NUP205: variants seen among roughly 807,000 people sequenced by gnomAD.
NUP205 encodes nucleoporin 205, also known as nuclear pore complex protein Nup205.
NUP205 carries 76 observed loss-of-function variants against 253.8 expected under a neutral mutation model. That is an observed-to-expected ratio of 0.30 (90% CI 0.25 to 0.36). The LOEUF (loss-of-function observed/expected upper bound fraction) is 0.36, where lower values mean the gene tolerates loss of function less well. NUP205 is among the 10% of genes least tolerant of loss of function. NUP205 has a pLI of 1.00. For missense variants in NUP205, 2,162 were observed against 2,425.5 expected (o/e 0.89, Z 2.28); for synonymous variants, 832 against 850.1 (o/e 0.98, Z 0.37).
chr7:135,622,605 C>T (rs1362663838), intron 30 of NUP205, among the ~76,000 whole-genome samples, 172 bp from the exon 31 acceptor site: 1 of 151,662 alleles, frequency 6.6e-6, no homozygotes, highest in African/African-American at 2.4e-5. Flanking sequence ...TTAGAGTTAA[C>T]CTGCTTGGAC....
chr7:135,637,776 A>C (rs910783288), intron 36 of NUP205, among the ~76,000 whole-genome samples, 155 bp from the exon 37 acceptor site: 5 of 152,258 alleles, frequency 3.3e-5, no homozygotes, highest in African/African-American at 1.2e-4. Context: ...GTTGAATTTT[A>C]ATAATGCTAC....
chr7:135,613,721 A>C (rs1794292327), intron 22 of NUP205: 2 of 151,888 alleles, frequency 1.3e-5, no homozygotes, highest in African/African-American at 4.8e-5. Context: ...ATTTTTATAG[A>C]GACAGAGTTT....
chr7:135,641,684 A>T (rs1008888914), intron 38 of NUP205, among the ~76,000 whole-genome samples: 1 of 151,726 alleles, frequency 6.6e-6, no homozygotes, highest in Non-Finnish European at 1.5e-5. Context: ...AGGTGGGAGG[A>T]TCACCTGAGC....
intron 35 of NUP205, among the ~76,000 whole-genome samples, chr7:135,634,019 C>T (rs1794763605): frequency 6.6e-6 from 1 of 152,126 alleles, no homozygotes; most frequent in Non-Finnish European, 1.5e-5. Flanking sequence ...CTGCCTAGCC[C>T]ACTACCGTGT....
chr7:135,607,562 T>C (rs73725186), intron 22 of NUP205, among the ~76,000 whole-genome samples, 191 bp downstream of exon 22: 3 of 152,318 alleles, frequency 2.0e-5, no homozygotes, highest in Non-Finnish European at 2.9e-5. Flanking sequence ...CCAAATCTTA[T>C]GTTAATCACT....
chr7:135,589,400 T>C lies in NUP205; in HGVS notation c.1473+1408T>C. 1.3e-5 allele frequency among the ~76,000 whole-genome samples: 2 copies of C among 150,858 alleles called. 1 individual carries two copies. The highest frequency in any genetic ancestry group is 3.0e-5 in the Non-Finnish European group (2 of 67,646). The stretch of plus-strand genomic sequence containing the variant: ...GCCTCCCAGATTCAAGCGATTCTCC[T>C]GTCTCAGCCTCCCGAATAACTGGGG... On this transcript the variant is annotated intron_variant, in intron 10 of 42. Coordinates refer to ENST00000285968, the MANE Select transcript of NUP205 (RefSeq NM_015135.3).
chr7:135,605,098 C>T (rs1794059350), intron 19 of NUP205, among the ~76,000 whole-genome samples: 1 of 152,026 alleles, frequency 6.6e-6, no homozygotes, highest in Non-Finnish European at 1.5e-5. Flanking sequence ...CTCTATCACC[C>T]AGGCTGGGGT....
intron 14 of NUP205, chr7:135,597,632 T>A: frequency 2.1e-6 from 1 of 472,752 alleles, no homozygotes; most frequent in Non-Finnish European, 3.7e-6. Flanking sequence ...AGATGTTACA[T>A]GGCAACCATC....
chr7:135,644,240 T>C (rs1316916197), intron 39 of NUP205, among the ~76,000 whole-genome samples: 1 of 152,214 alleles, frequency 6.6e-6, no homozygotes, highest in Non-Finnish European at 1.5e-5. Flanking sequence ...CAGGAGTCAA[T>C]GACTGGGTTT....
At chr7:135,576,943 A>G (rs370680794) in intron 4 of NUP205, 26 bp from the exon 5 acceptor site, 6 of 1,593,336 alleles carry the variant, frequency 3.8e-6, no homozygotes, top group Non-Finnish European at 5.1e-6. Context: ...TGTTTAACGT[A>G]GTTTATTGAT....
chr7:135,570,050 TATAGAGAGAGAGAGAGAGAGAGAGAG>T (rs1287381400), intron 1 of NUP205, among the ~76,000 whole-genome samples: 40 of 88,918 alleles, frequency 4.5e-4, no homozygotes, highest in Admixed American at 2.3e-4. Flanking sequence ...TATATATATA[TATAGAGAGAGAGAGAGAGAGAGAGAG>T]AGAGAGAGAG....
chr7:135,602,861 C>T lies in NUP205; in HGVS notation c.2569C>T (p.Leu857=), dbSNP rs1793993234. The T allele has an allele frequency of 6.2e-7, 1 of 1,614,018 alleles. No individual in the cohort carries two copies. Among genetic ancestry groups the T allele is most frequent in the Non-Finnish European group, 8.5e-7 (1 of 1,179,922 alleles). Residue 857 remains leucine, a synonymous_variant, in exon 18 of 43, where the codon CTG becomes TTG. Coordinates refer to ENST00000285968, the MANE Select transcript of NUP205 (RefSeq NM_015135.3). ...TTGCCTTGCACTTCTCAATCTTACT[C>T]TGCAAAAGGAAAATCTTTTTATGGA... ...QHCLALLNLT[L]QKENLFMDLL...
chr7:135,613,160 G>T (rs754183154), intron 22 of NUP205, among the ~76,000 whole-genome samples: 7 of 149,722 alleles, frequency 4.7e-5, no homozygotes, highest in Admixed American at 6.6e-5. Flanking sequence ...TTTAATTCCT[G>T]AAAACAGATG....
intron 4 of NUP205, 67 bp from the exon 5 acceptor site, chr7:135,576,902 A>G: frequency 6.8e-7 from 1 of 1,469,298 alleles, no homozygotes; most frequent in Non-Finnish European, 9.3e-7. Flanking sequence ...CGTTTGCTAT[A>G]CCTATTATTA....
At chr7:135,588,667 A>G (rs1489437283) in intron 10 of NUP205, among the ~76,000 whole-genome samples, 2 of 151,016 alleles carry the variant, frequency 1.3e-5, no homozygotes, top group East Asian at 1.9e-4. Context: ...TTCCCAAAGC[A>G]GTGGGATTAC....
chr7:135,571,720 A>G (rs1175276156), intron 2 of NUP205, among the ~76,000 whole-genome samples: 1 of 152,092 alleles, frequency 6.6e-6, no homozygotes, highest in Non-Finnish European at 1.5e-5. Flanking sequence ...CAAACAATCC[A>G]TTTACACTCT....
intron 8 of NUP205, among the ~76,000 whole-genome samples, chr7:135,587,030 T>TGG (rs1806482538): frequency 6.6e-6 from 1 of 152,262 alleles, no homozygotes; most frequent in Admixed American, 6.5e-5. Context: ...TATTTCCAAC[T>TGG]GTAATTGTGG....
Position 135,582,305 on chromosome 7 carries a change from T to C in NUP205, c.1043-2527T>C, listed in dbSNP as rs1806329274. Among the ~76,000 whole-genome samples the C allele has an allele frequency of 2.0e-5, 3 of 152,106 alleles. No individual in the cohort carries two copies. The South Asian group carries it at 6.2e-4, about 32-fold the overall frequency. On this transcript the variant is annotated intron_variant, in intron 7 of 42. Transcript: ENST00000285968. ...GTTTCAAAAAAAATAAAAGACGTAA[T>C]CTTTGAGTTGATTCTCTTTTAATTC...
intron 1 of NUP205, among the ~76,000 whole-genome samples, chr7:135,559,475 A>G (rs1398783941): frequency 6.6e-6 from 1 of 151,846 alleles, no homozygotes; most frequent in East Asian, 1.9e-4. Context: ...GGTTGAAGCA[A>G]TTCTCCTGCC....
Sources: gnomAD v4.1 joint callset for allele counts (sites outside exome capture counted in the v4.1 genomes callset) on GRCh38, gnomAD v4.1.1 for gene constraint, MANE v1.5 for transcripts, NCBI Gene and HGNC (gene_info 2026-07-23, HGNC 2026-07-21) for gene names.